MB21D2: variants seen among roughly 807,000 people sequenced by gnomAD.
The protein encoded by MB21D2 is Mab-21 domain containing 2.
Under a neutral mutation model 33.3 loss-of-function variants are expected in MB21D2, and 9 were observed. That is an observed-to-expected ratio of 0.27 (90% CI 0.16 to 0.47). The LOEUF (loss-of-function observed/expected upper bound fraction) is 0.47. Among genes scored for constraint, MB21D2 ranks in the 20% least tolerant of loss-of-function variants. The pLI, the probability that MB21D2 is intolerant of heterozygous loss-of-function variation, is 0.99. For missense variants in MB21D2, 540 were observed against 624.6 expected, an observed-to-expected ratio of 0.86 and a Z score of 1.44; for synonymous variants, 241 against 236.3, an observed-to-expected ratio of 1.02 and a Z score of -0.18.
chr3:192,838,812 T>C (rs868005809), intron 1 of MB21D2, among the ~76,000 whole-genome samples: 9 of 152,208 alleles, frequency 5.9e-5, no homozygotes, highest in African/African-American at 2.2e-4. Context: ...CAAAAATACA[T>C]ACATGATTTT....
chr3:192,906,799 T>C (rs1714224491), intron 1 of MB21D2, among the ~76,000 whole-genome samples: 1 of 152,230 alleles, frequency 6.6e-6, no homozygotes, highest in African/African-American at 2.4e-5. Flanking sequence ...GCACCAGTAA[T>C]TACACTAGCA....
chr3:192,808,451 G>T (rs775531201), intron 1 of MB21D2, among the ~76,000 whole-genome samples: 6 of 152,238 alleles, frequency 3.9e-5, no homozygotes, highest in Admixed American at 2.0e-4. Context: ...TGCTAGTACA[G>T]AAGAAATGGA....
intron 1 of MB21D2, among the ~76,000 whole-genome samples, chr3:192,817,903 C>A (rs945739948): frequency 1.4e-5 from 2 of 147,902 alleles, no homozygotes; most frequent in Non-Finnish European, 3.0e-5. Flanking sequence ...TCTCCATTTT[C>A]GTCCCTGTCT....
At chr3:192,805,335 G>A (rs959933971) in intron 1 of MB21D2, among the ~76,000 whole-genome samples, 1 of 152,198 alleles carries the variant, frequency 6.6e-6, no homozygotes, top group African/African-American at 2.4e-5. Context: ...TGGAAATACA[G>A]AAGACAAAAA....
intron 1 of MB21D2, among the ~76,000 whole-genome samples, chr3:192,865,642 G>A (rs1577188448): frequency 6.6e-6 from 1 of 152,154 alleles, no homozygotes; most frequent in Non-Finnish European, 1.5e-5. Flanking sequence ...GATGCCTGTG[G>A]CTGTGATGAA....
intron 1 of MB21D2, among the ~76,000 whole-genome samples, chr3:192,850,977 T>C (rs1291445473): frequency 6.6e-6 from 1 of 152,248 alleles, no homozygotes; most frequent in East Asian, 1.9e-4. Context: ...AAGCTTGCTC[T>C]GCTACTTATT....
chr3:192,851,477 CT>C lies in MB21D2; in HGVS notation c.212-51828del, dbSNP rs929044761. ...TATAGTAAAACCACTAAATTGTACACTTTTTTTTTGTCTGTTTTTTTTTTTT... is the reference window on the plus strand; with the variant it reads ...TATAGTAAAACCACTAAATTGTACACTTTTTTTTGTCTGTTTTTTTTTTTT... On this transcript the variant is annotated intron_variant, in intron 1 of 1. Coordinates refer to ENST00000392452, the MANE Select transcript of MB21D2 (RefSeq NM_178496.4). 2.3e-4 allele frequency among the ~76,000 whole-genome samples: 31 copies of C among 134,480 alleles called. 1 individual carries two copies. The South Asian group carries it at 2.5e-3, about 11-fold the overall frequency. 88.2% of individuals were successfully genotyped at this position (134,480 alleles called of 152,430 possible). A position where few individuals can be genotyped will look rare whatever the true frequency, so the allele number is the denominator to read the frequency against.
At chr3:192,825,481 AAAG>A (rs769379200) in intron 1 of MB21D2, among the ~76,000 whole-genome samples, 4 of 149,058 alleles carry the variant, frequency 2.7e-5, no homozygotes, top group Admixed American at 6.6e-5. Context: ...CATGAAATAA[AAAG>A]AAAAAAATCA....
At chr3:192,816,556 C>A (rs891400572) in intron 1 of MB21D2, among the ~76,000 whole-genome samples, 22 of 152,084 alleles carry the variant, frequency 1.4e-4, no homozygotes, top group African/African-American at 5.3e-4. Flanking sequence ...AAAATTAATA[C>A]CTGATTTTAC....
intron 1 of MB21D2, among the ~76,000 whole-genome samples, chr3:192,824,506 A>C (rs1351271899): frequency 6.6e-6 from 1 of 151,428 alleles, no homozygotes; most frequent in Non-Finnish European, 1.5e-5. Flanking sequence ...TAAATAAATA[A>C]ATAAATAAAT....
intron 1 of MB21D2, among the ~76,000 whole-genome samples, chr3:192,874,709 T>G (rs1218077889): frequency 6.6e-6 from 1 of 152,196 alleles, no homozygotes; most frequent in Non-Finnish European, 1.5e-5. Context: ...CTCTATTGCT[T>G]GCTGGTTTCT....
At chr3:192,875,879 C>CT (rs1329784129) in intron 1 of MB21D2, among the ~76,000 whole-genome samples, 1 of 152,180 alleles carries the variant, frequency 6.6e-6, no homozygotes, top group Non-Finnish European at 1.5e-5. Context: ...GCTACATACA[C>CT]TCATTTCTAC....
At chr3:192,817,396 A>G (rs1711950743) in intron 1 of MB21D2, among the ~76,000 whole-genome samples, 1 of 150,032 alleles carries the variant, frequency 6.7e-6, no homozygotes, top group Non-Finnish European at 1.5e-5. Flanking sequence ...CACCTGGTAG[A>G]TAGGAGAGAG....
At chr3:192,872,555 C>G (rs1404659940) in intron 1 of MB21D2, among the ~76,000 whole-genome samples, 14 of 145,956 alleles carry the variant, frequency 9.6e-5, no homozygotes, top group African/African-American at 1.8e-4. Context: ...CAGCCTGGGC[C>G]ACAGAGCGAG....
At chr3:192,913,366 C>G (rs886532089) in intron 1 of MB21D2, among the ~76,000 whole-genome samples, 2 of 152,174 alleles carry the variant, frequency 1.3e-5, no homozygotes, top group African/African-American at 4.8e-5. Context: ...CCACTGCACT[C>G]TAGCCTAGGT....
chr3:192,836,294 G>A (rs1712437404), intron 1 of MB21D2, among the ~76,000 whole-genome samples: 1 of 152,302 alleles, frequency 6.6e-6, no homozygotes, highest in South Asian at 2.1e-4. Context: ...ACCCAAGGGT[G>A]TCTGGCACCC....
At chr3:192,838,023 G>A (rs1712477939) in intron 1 of MB21D2, among the ~76,000 whole-genome samples, 1 of 152,246 alleles carries the variant, frequency 6.6e-6, no homozygotes, top group East Asian at 1.9e-4. Flanking sequence ...AGGAGCAGCA[G>A]AGCTGCATAT....
intron 1 of MB21D2, among the ~76,000 whole-genome samples, chr3:192,844,184 C>G (rs1712631836): frequency 6.6e-6 from 1 of 152,232 alleles, no homozygotes; most frequent in South Asian, 2.1e-4. Flanking sequence ...GCCAGGCACT[C>G]TCACTTACGT....
At chr3:192,888,214 C>A (rs1477141796) in intron 1 of MB21D2, among the ~76,000 whole-genome samples, 3 of 152,026 alleles carry the variant, frequency 2.0e-5, no homozygotes, top group African/African-American at 7.3e-5. Flanking sequence ...ACACTTAAAT[C>A]TGAACTCCTT....
Sources: allele counts gnomAD v4.1 joint callset (sites outside exome capture counted in the v4.1 genomes callset), GRCh38; gene constraint gnomAD v4.1.1; transcripts MANE v1.5; gene names NCBI Gene and HGNC (gene_info 2026-07-23, HGNC 2026-07-21).